Variants in SLC5A8 observed in about 807,000 individuals in gnomAD.
SLC5A8 encodes the protein solute carrier family 5 member 8.
SLC5A8 carries 55 observed loss-of-function variants against 71.9 expected under a neutral mutation model. The observed-to-expected ratio is 0.77, with a 90% CI of 0.62 to 0.96. The LOEUF is 0.96. Ranked by LOEUF, SLC5A8 falls within the 40% of genes least tolerant of loss-of-function variation. The pLI, the probability that SLC5A8 is intolerant of heterozygous loss-of-function variation, is 0.00. For missense variants in SLC5A8, 701 were observed against 745.3 expected (o/e 0.94, Z 0.69); for synonymous variants, 307 against 276.1 (o/e 1.11, Z -1.11).
In SLC5A8 at chr12:101,157,351, A is replaced by T; in HGVS notation, c.1761T>A (p.Thr587=). The T allele has an allele frequency of 6.2e-7, 1 of 1,612,972 alleles. No homozygotes were observed. Among genetic ancestry groups the T allele is most frequent in the Non-Finnish European group, 8.5e-7 (1 of 1,179,392 alleles). ...CAATGTGGTTGAAAGCAGGATTATC[A>T]GTTCCACCATCTTCCACTGGATGTG... ...YKSHPVEDGG[T]DNPAFNHIEL... The change falls in exon 15 of 15, where the codon ACT becomes ACA. Residue 587 remains threonine (T), a synonymous_variant. Transcript: ENST00000536262.
chr12:101,170,969 G>T (rs561912897), intron 10 of SLC5A8, among the ~76,000 whole-genome samples: 1 of 152,132 alleles, frequency 6.6e-6, no homozygotes, highest in African/African-American at 2.4e-5. Context: ...CTTGTACACC[G>T]TCTGATGCTC....
At position 101,209,829 on chromosome 12, in the gene SLC5A8, A is replaced by G. The variant is rs766438322; in HGVS notation, c.20T>C (p.Ile7Thr). 7 of 1,572,182 alleles carry G rather than the reference A, an allele frequency of 4.5e-6. No homozygotes were observed. In the South Asian group the frequency reaches 8.3e-5, roughly 19 times the overall value. Residue 7 changes from isoleucine (I) to threonine (T), a missense_variant, in exon 1 of 15, where the codon ATC (isoleucine) becomes ACC (threonine). By Grantham distance (89) the Ile-to-Thr change is moderately conservative (BLOSUM62 -1). Coordinates refer to ENST00000536262, the MANE Select transcript of SLC5A8 (RefSeq NM_145913.5). ...GTAGTCCCACACCACGAAGGTGCCGATGCCCCGTGGCGTGTCCATGGCCGC... is the reference window on the plus strand; with the variant it reads ...GTAGTCCCACACCACGAAGGTGCCGGTGCCCCGTGGCGTGTCCATGGCCGC... MDTPRG[I>T]GTFVVWDYVV...
At chr12:101,207,416 G>A (rs1450206485) in intron 1 of SLC5A8, among the ~76,000 whole-genome samples, 1 of 152,206 alleles carries the variant, frequency 6.6e-6, no homozygotes, top group Non-Finnish European at 1.5e-5. Flanking sequence ...GTCAGATAAT[G>A]TATGTAAAAC....
intron 3 of SLC5A8, among the ~76,000 whole-genome samples, chr12:101,197,848 C>T (rs906438631): frequency 6.6e-6 from 1 of 151,990 alleles, no homozygotes; most frequent in Non-Finnish European, 1.5e-5. Context: ...AACCTTTGAC[C>T]TTATAGAACA....
intron 7 of SLC5A8, among the ~76,000 whole-genome samples, chr12:101,187,061 T>C (rs1246690505): frequency 1.3e-5 from 2 of 152,000 alleles, no homozygotes; most frequent in African/African-American, 2.4e-5. Flanking sequence ...AGTACAATGG[T>C]TTGTGTAGTT....
At chr12:101,194,558 T>C (rs570378262) in intron 4 of SLC5A8, among the ~76,000 whole-genome samples, 22 of 152,314 alleles carry the variant, frequency 1.4e-4, no homozygotes, top group Middle Eastern at 3.4e-3. Context: ...CTCAAATTCC[T>C]GGGCTCAGGC....
intron 6 of SLC5A8, 37 bp downstream of exon 6, chr12:101,190,431 G>C: frequency 1.9e-6 from 3 of 1,592,516 alleles, no homozygotes; most frequent in Non-Finnish European, 2.6e-6. Context: ...ACAACTGATG[G>C]TTATTAATGA....
chr12:101,193,837 C>T (rs1869040002), intron 4 of SLC5A8, 58 bp from the exon 5 acceptor site: 1 of 1,523,916 alleles, frequency 6.6e-7, no homozygotes, highest in Admixed American at 1.8e-5. Flanking sequence ...TAAGCATCTA[C>T]ACACTTATAC....
At position 101,158,269 on chromosome 12, in the gene SLC5A8, T is replaced by A; in HGVS notation, c.1690A>T (p.Asn564Tyr). The A allele has an allele frequency of 6.3e-7, 1 of 1,590,064 alleles. No individual in the cohort carries two copies. The highest frequency in any genetic ancestry group is 2.2e-5 in the East Asian group (1 of 44,448). ...CTCACTTTCTTAAAAATATCAAAATTGGATAAAAAGTCCTCTTTGGTTAGT... is the reference window on the plus strand; with the variant it reads ...CTCACTTTCTTAAAAATATCAAAATAGGATAAAAAGTCCTCTTTGGTTAGT... ...YILTKEDFLSNFDIFKKKKHV... is the reference protein window; with the variant it reads ...YILTKEDFLSYFDIFKKKKHV... Residue 564 changes from asparagine to tyrosine, a missense_variant, in exon 14 of 15, where the codon AAT (asparagine) becomes TAT (tyrosine). Asn to Tyr is a moderately radical substitution (Grantham distance 143, BLOSUM62 -2). Transcript: ENST00000536262.
chr12:101,159,424 A>G (rs953282496), intron 13 of SLC5A8, among the ~76,000 whole-genome samples: 5 of 152,226 alleles, frequency 3.3e-5, no homozygotes, highest in African/African-American at 7.2e-5. Flanking sequence ...TGATGAAAAC[A>G]TAGCCTTCTG....
chr12:101,179,725 A>T (rs115804383), intron 10 of SLC5A8, among the ~76,000 whole-genome samples: 215 of 152,298 alleles, frequency 1.4e-3, no homozygotes, highest in African/African-American at 5.0e-3. Context: ...GGCTATATCA[A>T]TGTCAATATA....
At chr12:101,167,999 A>G (rs1253117222) in intron 11 of SLC5A8, 97 bp downstream of exon 11, 1 of 1,129,762 alleles carries the variant, frequency 8.9e-7, no homozygotes, top group African/African-American at 1.6e-5. Flanking sequence ...ACAAGTAGCT[A>G]ATGACAAATC....
chr12:101,161,479 T>C (rs1250450119), intron 13 of SLC5A8, among the ~76,000 whole-genome samples: 2 of 152,080 alleles, frequency 1.3e-5, no homozygotes, highest in African/African-American at 4.8e-5. Context: ...AAATGATAAA[T>C]ATCTGAAAAA....
chr12:101,159,917 C>T (rs1310467740), intron 13 of SLC5A8, among the ~76,000 whole-genome samples: 1 of 152,166 alleles, frequency 6.6e-6, no homozygotes, highest in Admixed American at 6.5e-5. Flanking sequence ...GGTGGTGGCT[C>T]ACGCCTGTAA....
intron 7 of SLC5A8, among the ~76,000 whole-genome samples, chr12:101,187,170 T>A (rs761226795): frequency 6.6e-6 from 1 of 152,220 alleles, no homozygotes; most frequent in Non-Finnish European, 1.5e-5. Context: ...TGCTTGATTT[T>A]TTCCTGGTAT....
At chr12:101,202,767 A>T (rs1478435532) in intron 2 of SLC5A8, among the ~76,000 whole-genome samples, 1 of 152,172 alleles carries the variant, frequency 6.6e-6, no homozygotes, top group East Asian at 1.9e-4. Flanking sequence ...CATTATTTTC[A>T]TTCATACACT....
At chr12:101,208,486 T>C (rs1308044167) in intron 1 of SLC5A8, among the ~76,000 whole-genome samples, 1 of 152,124 alleles carries the variant, frequency 6.6e-6, no homozygotes, top group African/African-American at 2.4e-5. Context: ...GGGAGACCAC[T>C]GAAGGCACTG....
intron 4 of SLC5A8, among the ~76,000 whole-genome samples, chr12:101,193,993 G>A (rs1211884262): frequency 3.3e-5 from 5 of 152,124 alleles, no homozygotes; most frequent in South Asian, 2.1e-4. Flanking sequence ...TGGAGGTTCC[G>A]CCCAGCAGAG....
chr12:101,172,925 T>C (rs1297275879), intron 10 of SLC5A8, among the ~76,000 whole-genome samples: 3 of 152,182 alleles, frequency 2.0e-5, no homozygotes, highest in Non-Finnish European at 4.4e-5. Flanking sequence ...GTTGTGCCCC[T>C]GTCCCATGGG....
Sources: allele counts gnomAD v4.1 joint callset (sites outside exome capture counted in the v4.1 genomes callset), GRCh38; gene constraint gnomAD v4.1.1; transcripts MANE v1.5; gene names NCBI Gene and HGNC (gene_info 2026-07-23, HGNC 2026-07-21).